The following TTC13 variants were observed in gnomAD, a reference collection of about 807,000 sequenced individuals.
TTC13 encodes tetratricopeptide repeat protein 13.
In TTC13, 62 loss-of-function variants were observed where a neutral mutation model predicts 120.0. The observed-to-expected ratio is 0.52, with a 90% CI of 0.42 to 0.64. The LOEUF (loss-of-function observed/expected upper bound fraction) is 0.64. Among genes scored for constraint, TTC13 ranks in the 30% least tolerant of loss-of-function variants. TTC13 has a pLI of 0.00. For synonymous variants in TTC13, 384 were observed against 393.5 expected, an observed-to-expected ratio of 0.98 and a Z score of 0.28; for missense variants, 824 against 1,050.2, an observed-to-expected ratio of 0.78 and a Z score of 2.98.
intron 18 of TTC13, among the ~76,000 whole-genome samples, chr1:230,915,922 A>G (rs976198460): frequency 5.3e-5 from 8 of 152,118 alleles, no homozygotes; most frequent in Admixed American, 1.3e-4. Context: ...AGGAACTTCA[A>G]GAACCCAGAA....
Position 230,978,206 on chromosome 1 carries a change from C to G in TTC13, c.271+354G>C, listed in dbSNP as rs1345705130. Among the ~76,000 whole-genome samples the G allele has an allele frequency of 6.6e-6, 1 of 152,144 alleles. No individual in the cohort carries two copies. Among genetic ancestry groups the G allele is most frequent in the Non-Finnish European group, 1.5e-5 (1 of 68,016 alleles). The stretch of plus-strand genomic sequence containing the variant: ...GCCCCTCCCTCGCCCCTTCGGCATC[C>G]TCGGGAGGCCGGCGGCGGGAACAGG... On this transcript the variant is annotated intron_variant, in intron 1 of 22. Coordinates refer to ENST00000366661, the MANE Select transcript of TTC13 (RefSeq NM_024525.5). This position sits in a 1 kb window ranked among gnomAD's most constrained non-coding sequence, Gnocchi z 5.6.
chr1:230,924,999 G>A, intron 13 of TTC13, 26 bp from the exon 14 acceptor site: 1 of 1,613,904 alleles, frequency 6.2e-7, no homozygotes, highest in South Asian at 1.1e-5. Context: ...ATCGAGAAGA[G>A]TTAGTACACT....
intron 12 of TTC13, among the ~76,000 whole-genome samples, chr1:230,925,877 A>G (rs933877452): frequency 6.6e-6 from 1 of 152,200 alleles, no homozygotes; most frequent in African/African-American, 2.4e-5. Context: ...AGTGAAAACT[A>G]TGATAACTAG....
intron 4 of TTC13, among the ~76,000 whole-genome samples, chr1:230,950,847 G>A (rs1223414171): frequency 6.6e-6 from 1 of 152,180 alleles, no homozygotes; most frequent in Admixed American, 6.5e-5. Context: ...ATCCCTGCAT[G>A]AGGACCAAAG....
intron 18 of TTC13, among the ~76,000 whole-genome samples, chr1:230,913,060 G>A (rs1308897463): frequency 6.6e-6 from 1 of 152,120 alleles, no homozygotes; most frequent in Non-Finnish European, 1.5e-5. Flanking sequence ...ATGACACATA[G>A]TAAAGAATGC....
intron 1 of TTC13, among the ~76,000 whole-genome samples, chr1:230,969,882 G>GT (rs1346700801): frequency 1.3e-5 from 2 of 152,156 alleles, no homozygotes; most frequent in African/African-American, 2.4e-5. Flanking sequence ...AAATCGCAGT[G>GT]TTTTTTTGTT....
rs1334919287 is a variant in TTC13 at position 230,978,382 on chromosome 1, C to G, written c.271+178G>C. ...AAGGCGGCTGCAGGAGGGCGCGCGG[C>G]GGCGTGGGTGGCAGCGGCGGGAAGC... On this transcript the variant is annotated intron_variant, in intron 1 of 22. Transcript: ENST00000366661. This position sits in a 1 kb window ranked among gnomAD's most constrained non-coding sequence, Gnocchi z 5.6. Among the ~76,000 whole-genome samples, 1 of 151,986 alleles carries G rather than the reference C, an allele frequency of 6.6e-6. No individual in the cohort carries two copies. Among genetic ancestry groups the G allele is most frequent in the African/African-American group, 2.4e-5 (1 of 41,430 alleles).
intron 8 of TTC13, among the ~76,000 whole-genome samples, chr1:230,935,308 C>G (rs934501058): frequency 6.6e-6 from 1 of 152,072 alleles, no homozygotes; most frequent in Non-Finnish European, 1.5e-5. Context: ...AGAATGGAGT[C>G]TAGTTAGAAA....
chr1:230,909,120 T>G lies in TTC13; in HGVS notation c.2310-100A>C, dbSNP rs1443638206. The G allele has an allele frequency of 4.0e-6, 4 of 1,011,728 alleles. No homozygotes were observed. The East Asian group carries it at 9.8e-5, about 25-fold the overall frequency. 62.7% of individuals were successfully genotyped at this position (1,011,728 alleles called of 1,614,324 possible). On this transcript the variant is annotated intron_variant, in intron 20 of 22. Transcript: ENST00000366661. Reference sequence around the variant, plus strand: ...TCCCATCATGAAAGATAAAATTTATTCAAAAATTCTTTCAAATAAAACACC... The same window carrying G: ...TCCCATCATGAAAGATAAAATTTATGCAAAAATTCTTTCAAATAAAACACC...
chr1:230,922,075 C>T (rs2102792286), intron 15 of TTC13, among the ~76,000 whole-genome samples: 1 of 152,270 alleles, frequency 6.6e-6, no homozygotes, highest in Non-Finnish European at 1.5e-5. Flanking sequence ...CCAGGCATCT[C>T]AAACCTCAAA....
At chr1:230,958,708 A>G (rs958543043) in intron 2 of TTC13, among the ~76,000 whole-genome samples, 2 of 152,244 alleles carry the variant, frequency 1.3e-5, no homozygotes, top group African/African-American at 4.8e-5. Flanking sequence ...TTGCTTAGAT[A>G]GACGGGGCAT....
At chr1:230,972,607 G>A (rs898209939) in intron 1 of TTC13, among the ~76,000 whole-genome samples, 3 of 152,150 alleles carry the variant, frequency 2.0e-5, no homozygotes, top group African/African-American at 2.4e-5. Flanking sequence ...ACATTGAGTG[G>A]TGCACATTGA....
intron 19 of TTC13, among the ~76,000 whole-genome samples, chr1:230,911,921 G>A (rs1481904208): frequency 2.0e-5 from 3 of 152,102 alleles, no homozygotes; most frequent in African/African-American, 7.2e-5. Flanking sequence ...CAAAAGATCT[G>A]GGTAAGCCCC....
rs966416098 is a variant in TTC13, at chr1:230,906,850, ATAACT to A, written c.*50_*54del. 3.6e-5 allele frequency: 30 copies of A among 831,052 alleles called. No individual in the cohort carries two copies. Among genetic ancestry groups the A allele is most frequent in the Middle Eastern group, 4.9e-4 (2 of 4,046 alleles). 51.5% of individuals were successfully genotyped at this position (831,052 alleles called of 1,614,324 possible). A position where few individuals can be genotyped will look rare whatever the true frequency, so the allele number is the denominator to read the frequency against. On this transcript the variant is annotated 3_prime_UTR_variant, in exon 23 of 23. Coordinates refer to ENST00000366661, the MANE Select transcript of TTC13 (RefSeq NM_024525.5). The stretch of plus-strand genomic sequence containing the variant: ...TCTTTATAATTCCATGTTTTAAAAA[ATAACT>A]TAAGAAGCAAGAGGTCCGGCCCTTT...
At chr1:230,973,877 A>G (rs912252281) in intron 1 of TTC13, among the ~76,000 whole-genome samples, 2 of 152,088 alleles carry the variant, frequency 1.3e-5, no homozygotes, top group African/African-American at 2.4e-5. Flanking sequence ...GGAGTTCGAG[A>G]CCAGCCTGGC....
chr1:230,958,240 G>A lies in TTC13; in HGVS notation c.426C>T (p.Ser142=). The A allele has an allele frequency of 6.2e-7, 1 of 1,611,798 alleles. No individual in the cohort carries two copies. Among genetic ancestry groups the A allele is most frequent in the Non-Finnish European group, 8.5e-7 (1 of 1,179,686 alleles). ...KRFPFATDND[S]TNEELAIAYV... is the part of the protein sequence containing the mutation. Reference sequence around the variant, plus strand: ...AAGTCTTACCTAACTCTTCATTTGTGCTGTCATTATCAGTGGCAAACGGGA... The same window carrying A: ...AAGTCTTACCTAACTCTTCATTTGTACTGTCATTATCAGTGGCAAACGGGA... Residue 142 remains serine, a synonymous_variant, in exon 3 of 23, where the codon AGC becomes AGT. Transcript: ENST00000366661.
chr1:230,928,769 G>A (rs1275857983), intron 12 of TTC13, among the ~76,000 whole-genome samples, 168 bp downstream of exon 12: 3 of 152,056 alleles, frequency 2.0e-5, no homozygotes, highest in East Asian at 1.9e-4. Flanking sequence ...GCTGTAGTGC[G>A]ATGGATGGAT....
chr1:230,978,808 C>A lies in TTC13; in HGVS notation c.23G>T (p.Cys8Phe). The change falls in exon 1 of 23, where the codon TGC becomes TTC. Residue 8 changes from cysteine (C) to phenylalanine (F), a missense_variant. By Grantham distance (205) the Cys-to-Phe change is radical. This residue lies in a region of TTC13 where 160 missense variants were observed against 137.2 expected (regional missense o/e 1.17). Coordinates refer to ENST00000366661, the MANE Select transcript of TTC13 (RefSeq NM_024525.5). This position sits in a 1 kb window ranked among gnomAD's most constrained non-coding sequence, Gnocchi z 5.6. ...AGCGCCGCCCCAGAAGCAGCAGCAG[C>A]AGCAGCAGCCGGCAGGTGCCATCTT... Reference protein sequence around the residue: MAPAGCCCCCCFWGGAVA... With the variant: MAPAGCCFCCCFWGGAVA... The A allele has an allele frequency of 6.7e-7, 1 of 1,493,218 alleles. No individual in the cohort carries two copies. Among genetic ancestry groups the A allele is most frequent in the Non-Finnish European group, 8.8e-7 (1 of 1,130,922 alleles). The allele number at this position is 1,493,218 out of a possible 1,614,324, so 92.5% of individuals were successfully genotyped here. A position where few individuals can be genotyped will look rare whatever the true frequency, so the allele number is the denominator to read the frequency against.
intron 3 of TTC13, chr1:230,956,664 G>T (rs1172892075): frequency 4.0e-6 from 1 of 247,872 alleles, no homozygotes; most frequent in East Asian, 1.2e-4. Flanking sequence ...CCACATCTAA[G>T]TGATTGAATT....
Sources: gnomAD v4.1 joint callset for allele counts (sites outside exome capture counted in the v4.1 genomes callset) on GRCh38, gnomAD v4.1.1 for gene constraint, gnomAD v4.1.1 regional missense constraint, Gnocchi (gnomAD v3.1) non-coding constraint, MANE v1.5 for transcripts, NCBI Gene and HGNC (gene_info 2026-07-23, HGNC 2026-07-21) for gene names.